The following NKAIN2 variants were observed in gnomAD, a reference collection of about 807,000 sequenced individuals.
The protein encoded by NKAIN2 is sodium/potassium transporting ATPase interacting 2.
Under a neutral mutation model 32.6 loss-of-function variants are expected in NKAIN2, and 14 were observed. That is an observed-to-expected ratio of 0.43 (90% CI 0.28 to 0.67). The LOEUF (loss-of-function observed/expected upper bound fraction) is 0.67, where lower values mean the gene tolerates loss of function less well. Ranked by LOEUF, NKAIN2 falls within the 30% of genes least tolerant of loss-of-function variation. The pLI is 0.17. For missense variants in NKAIN2, 198 were observed against 258.3 expected, an observed-to-expected ratio of 0.77 and a Z score of 1.60; for synonymous variants, 80 against 87.2, an observed-to-expected ratio of 0.92 and a Z score of 0.46.
At chr6:124,244,435 G>A (rs184254964) in intron 1 of NKAIN2, among the ~76,000 whole-genome samples, 318 of 151,786 alleles carry the variant, frequency 2.1e-3, no homozygotes, top group African/African-American at 7.3e-3. Flanking sequence ...ATTTTTTATG[G>A]CTGCATAGTA....
At chr6:124,819,917 A>T (rs1000410869) in intron 6 of NKAIN2, among the ~76,000 whole-genome samples, 35 of 152,152 alleles carry the variant, frequency 2.3e-4, no homozygotes, top group Admixed American at 2.0e-3. Flanking sequence ...TTATCCAAAT[A>T]TGATATGTAT....
intron 1 of NKAIN2, among the ~76,000 whole-genome samples, chr6:124,241,609 C>T (rs994727473): frequency 6.6e-6 from 1 of 152,108 alleles, no homozygotes; most frequent in Non-Finnish European, 1.5e-5. Flanking sequence ...ACCATCTGAT[C>T]TTCGAAAAAC....
At chr6:124,816,047 C>G (rs1489090708) in intron 5 of NKAIN2, among the ~76,000 whole-genome samples, 1 of 152,130 alleles carries the variant, frequency 6.6e-6, no homozygotes, top group Non-Finnish European at 1.5e-5. Flanking sequence ...TGTCATTATG[C>G]CATTCCACTT....
chr6:124,036,355 C>G lies in NKAIN2; in HGVS notation c.54+232101C>G, dbSNP rs375003666. On this transcript the variant is annotated intron_variant, in intron 1 of 6. Transcript: ENST00000368417. ...GCTAACAGTATTTTTAACTTGTTTT[C>G]ATCCCCTAACCACCTTGCTGAAATT... Among the ~76,000 whole-genome samples the G allele has an allele frequency of 1.4e-4, 22 of 152,210 alleles. No individual in the cohort carries two copies. In the East Asian group the frequency reaches 3.3e-3, roughly 23 times the overall value.
chr6:124,347,436 A>G (rs1221618384), intron 2 of NKAIN2, among the ~76,000 whole-genome samples: 4 of 152,162 alleles, frequency 2.6e-5, no homozygotes, highest in Non-Finnish European at 5.9e-5. Flanking sequence ...GTGTTTTCCA[A>G]CTTGGTTCCA....
chr6:124,651,830 C>A (rs552927144), intron 3 of NKAIN2, among the ~76,000 whole-genome samples: 3 of 152,258 alleles, frequency 2.0e-5, no homozygotes, highest in Admixed American at 6.5e-5. Flanking sequence ...AATCATTTTC[C>A]ATTATCTTGA....
At chr6:124,418,775 A>C (rs1774614958) in intron 3 of NKAIN2, among the ~76,000 whole-genome samples, 1 of 151,390 alleles carries the variant, frequency 6.6e-6, no homozygotes, top group Non-Finnish European at 1.5e-5. Flanking sequence ...TCCAGTACTG[A>C]TTGTTGATGT....
At chr6:124,414,465 G>T (rs781599539) in intron 3 of NKAIN2, among the ~76,000 whole-genome samples, 1 of 151,928 alleles carries the variant, frequency 6.6e-6, no homozygotes, top group Non-Finnish European at 1.5e-5. Flanking sequence ...TATAATTTTC[G>T]TTACTTGTAT....
At chr6:124,159,859 T>C (rs921187017) in intron 1 of NKAIN2, among the ~76,000 whole-genome samples, 3 of 152,056 alleles carry the variant, frequency 2.0e-5, no homozygotes, top group African/African-American at 7.2e-5. Flanking sequence ...GACCATGAAA[T>C]ACAGACAGCC....
intron 1 of NKAIN2, among the ~76,000 whole-genome samples, chr6:124,091,095 A>C (rs552600985): frequency 6.6e-6 from 1 of 152,154 alleles, no homozygotes; most frequent in East Asian, 1.9e-4. Flanking sequence ...TAGTCCATGT[A>C]ACCAAAACTC....
At chr6:124,433,739 C>T (rs1775317165) in intron 3 of NKAIN2, among the ~76,000 whole-genome samples, 1 of 152,080 alleles carries the variant, frequency 6.6e-6, no homozygotes, top group South Asian at 2.1e-4. Flanking sequence ...CAAGAGGCTA[C>T]CATGAATATT....
At chr6:123,870,348 G>A (rs968622515) in intron 1 of NKAIN2, among the ~76,000 whole-genome samples, 1 of 152,082 alleles carries the variant, frequency 6.6e-6, no homozygotes, top group African/African-American at 2.4e-5. Flanking sequence ...TAAATAGAGT[G>A]GTCAGAGAAA....
intron 3 of NKAIN2, among the ~76,000 whole-genome samples, chr6:124,522,704 G>A (rs940170958): frequency 7.2e-5 from 11 of 152,052 alleles, no homozygotes; most frequent in Admixed American, 1.3e-4. Context: ...GTTGATCCAC[G>A]TTCCAAGTTT....
At chr6:123,983,916 A>AT (rs200727601) in intron 1 of NKAIN2, among the ~76,000 whole-genome samples, 1,966 of 151,878 alleles carry the variant, frequency 0.013, 41 homozygotes, top group African/African-American at 0.044. Flanking sequence ...TTATTTATTT[A>AT]TTTTTTTTGA....
At chr6:124,059,969 A>G (rs187707434) in intron 1 of NKAIN2, among the ~76,000 whole-genome samples, 66 of 152,308 alleles carry the variant, frequency 4.3e-4, no homozygotes, top group African/African-American at 1.6e-3. Context: ...CTTGTAGCTT[A>G]TGCTGCATTG....
intron 3 of NKAIN2, among the ~76,000 whole-genome samples, chr6:124,614,347 T>C (rs888874213): frequency 7.9e-5 from 12 of 152,156 alleles, no homozygotes; most frequent in African/African-American, 2.9e-4. Context: ...TGAGGCGAGA[T>C]GGTGCCACTG....
At chr6:124,315,584 T>C (rs1395344097) in intron 2 of NKAIN2, among the ~76,000 whole-genome samples, 1 of 152,158 alleles carries the variant, frequency 6.6e-6, no homozygotes, top group Non-Finnish European at 1.5e-5. Context: ...ATGACTTAAA[T>C]TGTAAGGACT....
chr6:123,938,399 TATATATA>T (rs1776625958), intron 1 of NKAIN2, among the ~76,000 whole-genome samples: 6 of 1,638 alleles, frequency 3.7e-3, no homozygotes, highest in African/African-American at 7.7e-3. Flanking sequence ...GCAAGGGTTA[TATATATA>T]TATATATATA....
chr6:124,665,572 C>G (rs1772758502), intron 4 of NKAIN2, among the ~76,000 whole-genome samples: 1 of 152,178 alleles, frequency 6.6e-6, no homozygotes, highest in Non-Finnish European at 1.5e-5. Context: ...ATGACCTACT[C>G]ATGGAAGTTT....
Sources: allele counts gnomAD v4.1 joint callset (sites outside exome capture counted in the v4.1 genomes callset), GRCh38; gene constraint gnomAD v4.1.1; transcripts MANE v1.5; gene names NCBI Gene and HGNC (gene_info 2026-07-23, HGNC 2026-07-21).